CNOT10: variants seen among roughly 807,000 people sequenced by gnomAD.
The protein encoded by CNOT10 is CCR4-NOT transcription complex, subunit 10.
A neutral mutation model predicts 94.6 loss-of-function variants in CNOT10; 30 were observed. The ratio of observed to expected loss-of-function variants is 0.32; its 90% CI spans 0.24 to 0.43. CNOT10 has a LOEUF of 0.43. Ranked by LOEUF, CNOT10 falls within the 20% of genes least tolerant of loss-of-function variation. The pLI, the probability that CNOT10 is intolerant of heterozygous loss-of-function variation, is 1.00. For synonymous variants in CNOT10, 289 were observed against 301.6 expected, an observed-to-expected ratio of 0.96 and a Z score of 0.43; for missense variants, 759 against 877.2, an observed-to-expected ratio of 0.87 and a Z score of 1.70.
chr3:32,699,194 A>C (rs1486610474), intron 1 of CNOT10, among the ~76,000 whole-genome samples: 2 of 152,156 alleles, frequency 1.3e-5, no homozygotes, highest in African/African-American at 4.8e-5. Flanking sequence ...ATCCTTGTAG[A>C]CTTTATACTT....
At chr3:32,713,627 G>A (rs1477815243) in intron 5 of CNOT10, among the ~76,000 whole-genome samples, 1 of 152,046 alleles carries the variant, frequency 6.6e-6, no homozygotes, top group Admixed American at 6.6e-5. Flanking sequence ...ACCCCAAAAA[G>A]AAACCCTGTA....
intron 14 of CNOT10, among the ~76,000 whole-genome samples, chr3:32,761,453 C>T (rs1485810544): frequency 1.3e-5 from 2 of 152,158 alleles, no homozygotes; most frequent in African/African-American, 4.8e-5. Context: ...AGTGCAGTAG[C>T]ACAATCTCAA....
Position 32,736,453 on chromosome 3 carries a change from T to C in CNOT10, c.1515-957T>C, listed in dbSNP as rs559504407. ...CTCCCATCCCAGCATTTTTTCTTGATTATAATAGCAATCAATACATATTTA... is the reference window on the plus strand; with the variant it reads ...CTCCCATCCCAGCATTTTTTCTTGACTATAATAGCAATCAATACATATTTA... On this transcript the variant is annotated intron_variant, in intron 12 of 18. Coordinates refer to ENST00000328834, the MANE Select transcript of CNOT10 (RefSeq NM_015442.3). 7.2e-5 allele frequency among the ~76,000 whole-genome samples: 11 copies of C among 152,224 alleles called. No homozygotes were observed. The East Asian group carries it at 2.1e-3, about 29-fold the overall frequency.
chr3:32,697,194 C>T (rs1697114016), intron 1 of CNOT10, among the ~76,000 whole-genome samples: 1 of 152,164 alleles, frequency 6.6e-6, no homozygotes, highest in African/African-American at 2.4e-5. Context: ...AGGTGATCTG[C>T]CCACCTTGGC....
intron 10 of CNOT10, among the ~76,000 whole-genome samples, chr3:32,728,090 G>C (rs549586285): frequency 4.5e-4 from 68 of 151,594 alleles, no homozygotes; most frequent in African/African-American, 1.6e-3. Flanking sequence ...TCCACCTCCC[G>C]GGTTCAAGCG....
intron 17 of CNOT10, 140 bp downstream of exon 17, chr3:32,764,949 C>A: frequency 6.7e-7 from 1 of 1,498,644 alleles, no homozygotes; most frequent in Non-Finnish European, 8.9e-7. Flanking sequence ...TAAAAATATT[C>A]TTGCAAGGTA....
intron 12 of CNOT10, 87 bp from the exon 13 acceptor site, chr3:32,737,323 G>T: frequency 5.9e-6 from 5 of 853,662 alleles, no homozygotes; most frequent in Non-Finnish European, 9.3e-6. Flanking sequence ...CAAAAAAAAA[G>T]TTGGGAGTAA....
chr3:32,704,690 A>G, intron 2 of CNOT10, 121 bp from the exon 3 acceptor site: 1 of 1,101,974 alleles, frequency 9.1e-7, no homozygotes, highest in Non-Finnish European at 1.3e-6. Context: ...ATGTAGGGAA[A>G]CTACATCTTT....
chr3:32,730,154 C>G (rs1698878128), intron 10 of CNOT10, among the ~76,000 whole-genome samples: 1 of 151,960 alleles, frequency 6.6e-6, no homozygotes, highest in Non-Finnish European at 1.5e-5. Flanking sequence ...TGTTGGGCGC[C>G]TTTCTTTGGT....
intron 10 of CNOT10, among the ~76,000 whole-genome samples, chr3:32,731,841 G>A (rs1319280921): frequency 2.0e-5 from 3 of 152,098 alleles, no homozygotes; most frequent in Non-Finnish European, 4.4e-5. Context: ...CACTTCGGGA[G>A]GCTGAGGCGG....
intron 13 of CNOT10, among the ~76,000 whole-genome samples, chr3:32,744,425 T>C (rs1699608018): frequency 6.6e-6 from 1 of 152,224 alleles, no homozygotes; most frequent in Non-Finnish European, 1.5e-5. Flanking sequence ...ATGGCCACTT[T>C]TTATGATACG....
chr3:32,704,900 A>T lies in CNOT10; in HGVS notation c.207A>T (p.Val69=). ...DDYKIILNTA[V]AEFFKSNQTT... is the part of the protein sequence containing the mutation. ...ATAAAATAATTTTGAATACAGCAGT[A>T]GCTGAGTTTTTTAAAAGTAACCAAA... is the stretch of plus-strand genomic sequence containing the variant. The change falls in exon 3 of 19, where the codon GTA becomes GTT. Residue 69 remains valine, a synonymous_variant. Transcript: ENST00000328834. 1 of 1,570,538 alleles carries T rather than the reference A, an allele frequency of 6.4e-7. No individual in the cohort carries two copies. The highest frequency in any genetic ancestry group is 8.6e-7 in the Non-Finnish European group (1 of 1,166,866).
chr3:32,691,383 G>A (rs1053919083), intron 1 of CNOT10, among the ~76,000 whole-genome samples: 17 of 151,690 alleles, frequency 1.1e-4, no homozygotes, highest in African/African-American at 4.1e-4. Context: ...GGATGGTCTC[G>A]ATCTTCTGAC....
At chr3:32,738,023 C>T (rs1279919796) in intron 13 of CNOT10, among the ~76,000 whole-genome samples, 1 of 152,026 alleles carries the variant, frequency 6.6e-6, no homozygotes. Context: ...ACTTTTCTTT[C>T]CTAGAAATGA....
intron 10 of CNOT10, among the ~76,000 whole-genome samples, chr3:32,733,047 C>G (rs1410831662): frequency 1.3e-5 from 2 of 151,996 alleles, no homozygotes; most frequent in Admixed American, 1.3e-4. Flanking sequence ...CTTCCTTTTT[C>G]TTTTACACTA....
rs1199311687 is a variant in CNOT10 at position 32,766,027 on chromosome 3, C to T, written c.2004+1218C>T. Among the ~76,000 whole-genome samples the T allele has an allele frequency of 9.6e-3, 349 of 36,364 alleles. 122 individuals are homozygous for T. Among genetic ancestry groups the T allele is most frequent in the African/African-American group, 0.031 (338 of 10,926 alleles). The allele number at this position is 36,364 out of a possible 152,430, so 23.9% of individuals were successfully genotyped here. On this transcript the variant is annotated intron_variant, in intron 17 of 18. Transcript: ENST00000328834. ...AATTTTTTTTTTTTTTTTTTTGAGA[C>T]GGAGTTTCGCTCTTGTTGCCCAGAC...
At chr3:32,699,488 A>G (rs1251375760) in intron 1 of CNOT10, among the ~76,000 whole-genome samples, 2 of 152,214 alleles carry the variant, frequency 1.3e-5, no homozygotes, top group African/African-American at 2.4e-5. Flanking sequence ...TTATTAAGCC[A>G]TTCATATTTA....
intron 1 of CNOT10, among the ~76,000 whole-genome samples, chr3:32,691,346 A>G (rs1414455955): frequency 6.6e-6 from 1 of 151,916 alleles, no homozygotes; most frequent in Non-Finnish European, 1.5e-5. Flanking sequence ...TATTTTTAGT[A>G]GAGACGGGGT....
At chr3:32,753,352 G>A (rs558893848) in intron 13 of CNOT10, 227 of 1,253,258 alleles carry the variant, frequency 1.8e-4, no homozygotes, top group East Asian at 3.7e-4. Flanking sequence ...AAACAGAATC[G>A]CAAGTAGTCA....
Sources: allele counts gnomAD v4.1 joint callset (sites outside exome capture counted in the v4.1 genomes callset), GRCh38; gene constraint gnomAD v4.1.1; transcripts MANE v1.5; gene names NCBI Gene and HGNC (gene_info 2026-07-23, HGNC 2026-07-21).